The following MCC variants were observed in gnomAD, a reference collection of about 807,000 sequenced individuals.
MCC encodes MCC regulator of Wnt signaling pathway.
MCC carries 90 observed loss-of-function variants against 116.2 expected under a neutral mutation model. The observed-to-expected ratio is 0.77, with a 90% CI of 0.65 to 0.92. The LOEUF is 0.92. Ranked by LOEUF, MCC falls within the 40% of genes least tolerant of loss-of-function variation. The pLI is 0.00. For synonymous variants in MCC, 578 were observed against 510.5 expected, an observed-to-expected ratio of 1.13 and a Z score of -1.78; for missense variants, 1,516 against 1,312.2, an observed-to-expected ratio of 1.16 and a Z score of -2.40.
intron 14 of MCC, among the ~76,000 whole-genome samples, chr5:113,063,007 A>T (rs1383151391): frequency 1.3e-5 from 2 of 152,210 alleles, no homozygotes; most frequent in Non-Finnish European, 2.9e-5. Context: ...ATGAGATCCA[A>T]TGTGGGAAGA....
chr5:113,246,861 T>A (rs1050360934), intron 3 of MCC, among the ~76,000 whole-genome samples: 7 of 152,194 alleles, frequency 4.6e-5, no homozygotes, highest in Admixed American at 1.3e-4. Context: ...GTCATTCACA[T>A]AACATTAGGT....
At chr5:113,269,627 G>T (rs1227967410) in intron 3 of MCC, among the ~76,000 whole-genome samples, 4 of 152,198 alleles carry the variant, frequency 2.6e-5, no homozygotes, top group African/African-American at 9.7e-5. Context: ...CTAAAAGCAG[G>T]ACTCCTGGTT....
At chr5:113,414,912 T>G (rs559459814) in intron 1 of MCC, among the ~76,000 whole-genome samples, 52 of 152,332 alleles carry the variant, frequency 3.4e-4, no homozygotes, top group Admixed American at 1.2e-3. Context: ...TACCAGTTGT[T>G]CCTTTCTTTC....
chr5:113,260,301 T>A (rs1391375413), intron 3 of MCC, among the ~76,000 whole-genome samples: 28 of 152,196 alleles, frequency 1.8e-4, no homozygotes, highest in Admixed American at 1.8e-3. Flanking sequence ...ATACTTTTTA[T>A]GTATTTTTCC....
In MCC at chr5:113,426,953, T is replaced by C. The variant is rs955341140; in HGVS notation, c.171-41741A>G. ...TCTCCACAAACAAAATCCACAAAAC[T>C]CATCCTCAAAATAGCCTTTGAGGAC... On this transcript the variant is annotated intron_variant, in intron 1 of 18. Coordinates refer to ENST00000408903, the MANE Select transcript of MCC (RefSeq NM_001085377.2). 4.4e-4 allele frequency among the ~76,000 whole-genome samples: 67 copies of C among 152,094 alleles called. 2 individuals carry two copies. The highest frequency in any genetic ancestry group is 1.6e-3 in the African/African-American group (65 of 41,402).
chr5:113,433,787 C>T (rs1157297538), intron 1 of MCC: 8 of 1,613,944 alleles, frequency 5.0e-6, no homozygotes, highest in Non-Finnish European at 5.9e-6. Flanking sequence ...CCTCTGTCTC[C>T]ATAGTCGACG....
At chr5:113,105,022 G>A (rs1270724889) in intron 6 of MCC, among the ~76,000 whole-genome samples, 1 of 152,174 alleles carries the variant, frequency 6.6e-6, no homozygotes, top group Non-Finnish European at 1.5e-5. Context: ...TCCAGGGCCT[G>A]GTCAGAGAAA....
At chr5:113,248,942 C>T (rs1276481637) in intron 3 of MCC, among the ~76,000 whole-genome samples, 2 of 150,764 alleles carry the variant, frequency 1.3e-5, no homozygotes, top group East Asian at 3.9e-4. Flanking sequence ...CTCCTGGGTT[C>T]AAGTGATTTT....
chr5:113,176,986 G>C (rs1235242387), intron 3 of MCC, among the ~76,000 whole-genome samples: 1 of 152,186 alleles, frequency 6.6e-6, no homozygotes, highest in Non-Finnish European at 1.5e-5. Context: ...GTGCATGTCT[G>C]ATGACATCAT....
At chr5:113,339,277 A>G (rs1043877344) in intron 3 of MCC, among the ~76,000 whole-genome samples, 6 of 152,152 alleles carry the variant, frequency 3.9e-5, no homozygotes, top group Admixed American at 1.3e-4. Context: ...CAGGAGAGAG[A>G]GTAATCATAT....
chr5:113,307,012 G>A (rs1008378879), intron 3 of MCC, among the ~76,000 whole-genome samples: 14 of 151,958 alleles, frequency 9.2e-5, no homozygotes, highest in African/African-American at 3.1e-4. Flanking sequence ...CCACTTATTT[G>A]TATGTCCATC....
At chr5:113,176,836 C>A (rs1461512225) in intron 3 of MCC, among the ~76,000 whole-genome samples, 1 of 152,110 alleles carries the variant, frequency 6.6e-6, no homozygotes, top group African/African-American at 2.4e-5. Flanking sequence ...TGGAAACCAT[C>A]CACTCCTCCC....
At chr5:113,466,059 C>A (rs1362050886) in intron 1 of MCC, among the ~76,000 whole-genome samples, 2 of 151,944 alleles carry the variant, frequency 1.3e-5, no homozygotes, top group Non-Finnish European at 2.9e-5. Context: ...GCCTCAGCCT[C>A]CTGGGTAGAT....
chr5:113,218,409 GT>G (rs1215594820), intron 3 of MCC, among the ~76,000 whole-genome samples: 7 of 152,136 alleles, frequency 4.6e-5, no homozygotes, highest in Admixed American at 2.0e-4. Context: ...GATCTGCTGA[GT>G]GCCTCCGCTT....
At chr5:113,475,224 T>G (rs186331565) in intron 1 of MCC, among the ~76,000 whole-genome samples, 2 of 152,246 alleles carry the variant, frequency 1.3e-5, no homozygotes, top group African/African-American at 4.8e-5. Flanking sequence ...AAGTATCTGG[T>G]ATATCACTGA....
chr5:113,038,468 A>G (rs1751467779), intron 17 of MCC, among the ~76,000 whole-genome samples: 1 of 152,040 alleles, frequency 6.6e-6, no homozygotes, highest in African/African-American at 2.4e-5. Flanking sequence ...GTTCCATGGG[A>G]GAAGGAAATT....
rs770382035 is a variant in MCC, at chr5:113,027,417, G to T, written c.2945C>A (p.Ser982Ter). ...KHQNKLKKLESQMMAMVERHE... is the reference protein window; with the variant it reads ...KHQNKLKKLE ...TCTCTCCACCATGGCCATCATCTGCGACTCTAACTTCTTCAGTTTGTTTTG... is the reference window on the plus strand; with the variant it reads ...TCTCTCCACCATGGCCATCATCTGCTACTCTAACTTCTTCAGTTTGTTTTG... Residue 982 changes from serine to a stop codon, truncating the protein, a stop_gained, in exon 19 of 19, where the codon TCG (serine) becomes TAG (stop). Coordinates refer to ENST00000408903, the MANE Select transcript of MCC (RefSeq NM_001085377.2). LOFTEE classifies it high-confidence loss of function. 1.9e-6 allele frequency: 3 copies of T among 1,614,052 alleles called. No homozygotes were observed. The highest frequency in any genetic ancestry group is 2.5e-6 in the Non-Finnish European group (3 of 1,180,032).
chr5:113,304,025 C>A (rs1393134568), intron 3 of MCC, among the ~76,000 whole-genome samples: 2 of 152,132 alleles, frequency 1.3e-5, no homozygotes, highest in African/African-American at 4.8e-5. Context: ...AGATCTTGAA[C>A]CAAAGTCTCT....
intron 2 of MCC, among the ~76,000 whole-genome samples, chr5:113,377,359 G>C (rs913643857): frequency 2.2e-4 from 33 of 152,096 alleles, no homozygotes; most frequent in African/African-American, 8.0e-4. Context: ...GAAGCAGTGG[G>C]AAACATGATG....
Sources: allele counts gnomAD v4.1 joint callset (sites outside exome capture counted in the v4.1 genomes callset), GRCh38; gene constraint gnomAD v4.1.1; transcripts MANE v1.5; gene names NCBI Gene and HGNC (gene_info 2026-07-23, HGNC 2026-07-21).